Variants in CHP1 observed in about 807,000 individuals in gnomAD.
The protein encoded by CHP1 is calcineurin like EF-hand protein 1.
CHP1 carries 11 observed loss-of-function variants against 27.4 expected under a neutral mutation model. The observed-to-expected ratio is 0.40, with a 90% CI of 0.25 to 0.67. The LOEUF is 0.67. CHP1 is among the 30% of genes least tolerant of loss of function. The pLI is 0.38. For synonymous variants in CHP1, 89 were observed against 87.4 expected, an observed-to-expected ratio of 1.02 and a Z score of -0.10; for missense variants, 169 against 251.3, an observed-to-expected ratio of 0.67 and a Z score of 2.22.
At chr15:41,241,785 G>A (rs544557243) in intron 1 of CHP1, among the ~76,000 whole-genome samples, 1 of 152,286 alleles carries the variant, frequency 6.6e-6, no homozygotes, top group Admixed American at 6.5e-5. Flanking sequence ...GCTTGTCCCT[G>A]TTCACTTTGT....
chr15:41,239,479 C>T (rs940107899), intron 1 of CHP1, among the ~76,000 whole-genome samples: 2 of 152,082 alleles, frequency 1.3e-5, no homozygotes, highest in South Asian at 2.1e-4. Flanking sequence ...TTTCAGCTCA[C>T]TGCAACCTCC....
intron 5 of CHP1, among the ~76,000 whole-genome samples, chr15:41,271,227 C>A (rs1055924733): frequency 1.6e-4 from 23 of 143,756 alleles, no homozygotes; most frequent in African/African-American, 6.1e-4. Flanking sequence ...TGCACTCCAG[C>A]CTGGGCGACA....
chr15:41,252,941 TTTTTTTTTTTTTTTTTG>T (rs2047377732), intron 2 of CHP1, among the ~76,000 whole-genome samples: 1 of 130,372 alleles, frequency 7.7e-6, no homozygotes, highest in African/African-American at 3.0e-5. Flanking sequence ...TTTTTTTTTT[TTTTTTTTTTTTTTTTTG>T]AGATGGAGTC....
intron 2 of CHP1, among the ~76,000 whole-genome samples, chr15:41,253,172 C>T (rs1026326575): frequency 4.0e-5 from 6 of 151,518 alleles, no homozygotes; most frequent in Admixed American, 6.6e-5. Context: ...CTCTTGACCT[C>T]GTGATCCACC....
At chr15:41,275,547 T>C (rs2047515131) in intron 5 of CHP1, among the ~76,000 whole-genome samples, 1 of 152,176 alleles carries the variant, frequency 6.6e-6, no homozygotes, top group Non-Finnish European at 1.5e-5. Flanking sequence ...TAGAAAATCA[T>C]GTAATTTACT....
rs142885603 is a variant in CHP1 at position 41,275,327 on chromosome 15, G to A, written c.412-3440G>A. On this transcript the variant is annotated intron_variant, in intron 5 of 6. Transcript: ENST00000334660. ...CCGCCACCATGCCTAGCTAATTTTTGTATTTGTAGTAGAGATGGGGTTTCA... is the reference window on the plus strand; with the variant it reads ...CCGCCACCATGCCTAGCTAATTTTTATATTTGTAGTAGAGATGGGGTTTCA... 3.7e-3 allele frequency among the ~76,000 whole-genome samples: 567 copies of A among 151,518 alleles called. 4 individuals carry two copies. The highest frequency in any genetic ancestry group is 0.013 in the African/African-American group (541 of 41,310).
At chr15:41,231,671 A>G (rs576791443) in intron 1 of CHP1, among the ~76,000 whole-genome samples, 47 of 151,142 alleles carry the variant, frequency 3.1e-4, no homozygotes, top group African/African-American at 1.0e-3. Context: ...CAAAATCGGG[A>G]CTCTTGATCA....
At position 41,231,319 on chromosome 15, in the gene CHP1, C is replaced by T. The variant is rs377394481; in HGVS notation, c.-64C>T. On this transcript the variant is annotated 5_prime_UTR_variant, in exon 1 of 7. Transcript: ENST00000334660. ...TGACCCCTAGCCCTTCCTTCCCTCC[C>T]TCCTTCCCTCCTGTCGCCGTCTCTT... 391 of 1,470,672 alleles carry T rather than the reference C, an allele frequency of 2.7e-4. 14 individuals are homozygous for T. The East Asian group carries it at 4.2e-3, about 16-fold the overall frequency. 91.1% of individuals were successfully genotyped at this position (1,470,672 alleles called of 1,614,324 possible). A position where few individuals can be genotyped will look rare whatever the true frequency, so the allele number is the denominator to read the frequency against.
intron 1 of CHP1, among the ~76,000 whole-genome samples, chr15:41,238,406 T>G (rs1468164488): frequency 6.6e-6 from 1 of 151,414 alleles, no homozygotes; most frequent in African/African-American, 2.4e-5. Flanking sequence ...CAAGGGATCC[T>G]CCCACTTTAG....
chr15:41,279,279 C>A, intron 6 of CHP1, 57 bp from the exon 7 acceptor site: 1 of 1,343,306 alleles, frequency 7.4e-7, no homozygotes, highest in Non-Finnish European at 1.1e-6. Flanking sequence ...CAGATAAGAG[C>A]TTGGGAGTGT....
chr15:41,269,147 G>A (rs1567011031), intron 4 of CHP1, among the ~76,000 whole-genome samples: 2 of 151,878 alleles, frequency 1.3e-5, no homozygotes, highest in African/African-American at 4.8e-5. Flanking sequence ...AGGCTGTAGT[G>A]AGTCATGATT....
intron 1 of CHP1, among the ~76,000 whole-genome samples, chr15:41,242,383 T>TCACCTACCTAGCCGTA (rs2047311092): frequency 6.6e-6 from 1 of 152,132 alleles, no homozygotes; most frequent in Non-Finnish European, 1.5e-5. Context: ...GCCGTACACA[T>TCACCTACCTAGCCGTA]CACCTACCTA....
At chr15:41,268,648 A>T (rs897990520) in intron 4 of CHP1, among the ~76,000 whole-genome samples, 1 of 148,548 alleles carries the variant, frequency 6.7e-6, no homozygotes, top group African/African-American at 2.5e-5. Flanking sequence ...TCTCAAAAAA[A>T]AAAAAAATTC....
In CHP1 at chr15:41,278,737, C is replaced by G. The variant is rs1319265559; in HGVS notation, c.412-30C>G. Reference sequence around the variant, plus strand: ...AAAGAGTCCCTCTGATTCCCAAGGCCCTTGTAATTCCTGGCTCTTGGTCTT... The same window carrying G: ...AAAGAGTCCCTCTGATTCCCAAGGCGCTTGTAATTCCTGGCTCTTGGTCTT... On this transcript the variant is annotated intron_variant, in intron 5 of 6. Coordinates refer to ENST00000334660, the MANE Select transcript of CHP1 (RefSeq NM_007236.5). The G allele has an allele frequency of 1.9e-6, 3 of 1,613,552 alleles. No individual in the cohort carries two copies. In the South Asian group the frequency reaches 3.3e-5, roughly 18 times the overall value.
At chr15:41,239,956 G>A (rs2047297748) in intron 1 of CHP1, among the ~76,000 whole-genome samples, 1 of 151,106 alleles carries the variant, frequency 6.6e-6, no homozygotes, top group African/African-American at 2.4e-5. Flanking sequence ...TTTTGTATTT[G>A]TAGTAGAGAC....
chr15:41,260,786 C>T (rs2047428881), intron 3 of CHP1, among the ~76,000 whole-genome samples: 4 of 151,592 alleles, frequency 2.6e-5, no homozygotes, highest in Admixed American at 2.6e-4. Context: ...TTAAATGTTT[C>T]AAAGTATTTA....
At position 41,270,565 on chromosome 15, in the gene CHP1, C is replaced by A. The variant is rs1350398344; in HGVS notation, c.358C>A (p.Arg120=). 1.2e-6 allele frequency: 2 copies of A among 1,613,484 alleles called. No homozygotes were observed. The highest frequency in any genetic ancestry group is 2.7e-5 in the African/African-American group (2 of 74,984). The change falls in exon 5 of 7, where the codon CGA becomes AGA. Residue 120 remains arginine, a synonymous_variant. Coordinates refer to ENST00000334660, the MANE Select transcript of CHP1 (RefSeq NM_007236.5). ...GTGTTTTTCCCTTACAGTTGCTTTT[C>A]GACTATATGATTTGGATAAAGATGA... ...SRSNKLHFAF[R]LYDLDKDEKI...
intron 1 of CHP1, among the ~76,000 whole-genome samples, chr15:41,239,301 C>T (rs2047294071): frequency 6.8e-6 from 1 of 147,564 alleles, no homozygotes; most frequent in Non-Finnish European, 1.5e-5. Flanking sequence ...CCATATAACC[C>T]AGTTCGTCCT....
chr15:41,265,969 T>C (rs1054746853), intron 4 of CHP1, among the ~76,000 whole-genome samples: 16 of 152,160 alleles, frequency 1.1e-4, no homozygotes, highest in Non-Finnish European at 2.4e-4. Context: ...CTTTCCTCTT[T>C]GGATTGGTGA....
Sources: allele counts gnomAD v4.1 joint callset (sites outside exome capture counted in the v4.1 genomes callset), GRCh38; gene constraint gnomAD v4.1.1; transcripts MANE v1.5; gene names NCBI Gene and HGNC (gene_info 2026-07-23, HGNC 2026-07-21).